The following TULP3 variants were observed in gnomAD, a reference collection of about 807,000 sequenced individuals.
TULP3 encodes TUB like protein 3.
TULP3 carries 38 observed loss-of-function variants against 50.7 expected under a neutral mutation model. That is an observed-to-expected ratio of 0.75 (90% CI 0.58 to 0.98). The LOEUF (loss-of-function observed/expected upper bound fraction) is 0.98. Ranked by LOEUF, TULP3 falls within the 50% of genes least tolerant of loss-of-function variation. The pLI is 0.00. For missense variants in TULP3, 550 were observed against 568.0 expected (o/e 0.97, Z 0.32); for synonymous variants, 183 against 196.6 (o/e 0.93, Z 0.58).
intron 2 of TULP3, among the ~76,000 whole-genome samples, chr12:2,919,622 A>G (rs1302602479): frequency 1.3e-5 from 2 of 152,112 alleles, no homozygotes; most frequent in Non-Finnish European, 2.9e-5. Flanking sequence ...TCATGTCTTT[A>G]TTTTTTAGCA....
chr12:2,907,678 A>G (rs1212393234), intron 1 of TULP3, among the ~76,000 whole-genome samples: 9 of 151,598 alleles, frequency 5.9e-5, no homozygotes, highest in African/African-American at 7.3e-5. Context: ...ATTCTTATAC[A>G]CACTGAACAC....
chr12:2,903,333 C>T (rs530869603), intron 1 of TULP3, among the ~76,000 whole-genome samples: 14 of 151,850 alleles, frequency 9.2e-5, no homozygotes, highest in East Asian at 3.9e-4. Flanking sequence ...GAGGCTGAGG[C>T]GGGTGGATCA....
chr12:2,893,194 G>A (rs2098173227), intron 1 of TULP3, among the ~76,000 whole-genome samples: 1 of 152,082 alleles, frequency 6.6e-6, no homozygotes, highest in African/African-American at 2.4e-5. Context: ...AAAGGGGAAT[G>A]TGTGAGTCAC....
intron 4 of TULP3, among the ~76,000 whole-genome samples, chr12:2,929,172 C>A (rs528922993): frequency 5.9e-5 from 9 of 152,124 alleles, no homozygotes; most frequent in African/African-American, 2.2e-4. Flanking sequence ...CAAAAATTAG[C>A]CGGGCATGGT....
At chr12:2,899,836 T>C (rs1182198411) in intron 1 of TULP3, among the ~76,000 whole-genome samples, 1 of 144,458 alleles carries the variant, frequency 6.9e-6, no homozygotes, top group Non-Finnish European at 1.5e-5. Context: ...GAGCTTGCAG[T>C]GAGCAGAGCT....
intron 2 of TULP3, among the ~76,000 whole-genome samples, chr12:2,918,342 C>T (rs2098189847): frequency 6.6e-6 from 1 of 151,656 alleles, no homozygotes; most frequent in Non-Finnish European, 1.5e-5. Flanking sequence ...AAACTCCTGA[C>T]CTCAGGTAAT....
rs1318677417 is a variant in TULP3, at chr12:2,940,890, C to T, written c.*1446C>T. 1 of 635,264 alleles carries T rather than the reference C, an allele frequency of 1.6e-6. No individual in the cohort carries two copies. Among genetic ancestry groups the T allele is most frequent in the Non-Finnish European group, 2.7e-6 (1 of 374,700 alleles). The allele number at this position is 635,264 out of a possible 1,614,324, so 39.4% of individuals were successfully genotyped here. On this transcript the variant is annotated 3_prime_UTR_variant, in exon 11 of 11. Coordinates refer to ENST00000448120, the MANE Select transcript of TULP3 (RefSeq NM_003324.5). ...TCACACCTCGTCACCACCACCACCC[C>T]CCACCCCATCCTGAGGCACTGCCTG...
chr12:2,906,045 T>G (rs186476867), intron 1 of TULP3, among the ~76,000 whole-genome samples: 2,474 of 149,996 alleles, frequency 0.016, 35 homozygotes, highest in Middle Eastern at 0.027. Context: ...TTTTTTTTTT[T>G]TTTGAGAGAG....
intron 8 of TULP3, among the ~76,000 whole-genome samples, chr12:2,936,313 A>T (rs1043391178): frequency 3.3e-5 from 5 of 152,166 alleles, no homozygotes; most frequent in Non-Finnish European, 7.4e-5. Context: ...AGGCATTTTT[A>T]ATACCTAGTG....
intron 4 of TULP3, among the ~76,000 whole-genome samples, chr12:2,926,337 A>C (rs1027882851): frequency 2.6e-5 from 4 of 152,022 alleles, no homozygotes; most frequent in Non-Finnish European, 5.9e-5. Context: ...CCATCTCTAC[A>C]AAAAAATTAC....
At position 2,893,948 on chromosome 12, in the gene TULP3, T is replaced by G. The variant is rs554293265; in HGVS notation, c.41+2960T>G. ...TGTGAGCGACCAGGCTTGGCCTATT[T>G]TCTTATATCAGAAATGTTTAGTGAA... is the stretch of plus-strand genomic sequence containing the variant. On this transcript the variant is annotated intron_variant, in intron 1 of 10. Transcript: ENST00000448120. Among the ~76,000 whole-genome samples the G allele has an allele frequency of 1.6e-4, 25 of 152,210 alleles. No individual in the cohort carries two copies. In the Middle Eastern group the frequency reaches 0.01, roughly 62 times the overall value.
At chr12:2,935,023 G>A (rs1244852752) in intron 8 of TULP3, among the ~76,000 whole-genome samples, 1 of 151,652 alleles carries the variant, frequency 6.6e-6, no homozygotes, top group African/African-American at 2.4e-5. Context: ...TTCACACCCG[G>A]GAAAGGCTTG....
Position 2,937,671 on chromosome 12 carries a change from CTG to C in TULP3, c.968_969del (p.Val323AspfsTer10). On this transcript the variant is annotated frameshift_variant, in exon 9 of 11. Coordinates refer to ENST00000448120, the MANE Select transcript of TULP3 (RefSeq NM_003324.5). LOFTEE classifies it high-confidence loss of function. Reference sequence around the variant, plus strand: ...GGATTTAAAGGTCCTAGGAAAATGTCTGTGATCATTCCTGGAATGACACTGAA... The same window carrying C: ...GGATTTAAAGGTCCTAGGAAAATGTCTGATCATTCCTGGAATGACACTGAA... 1 of 1,613,198 alleles carries C rather than the reference CTG, an allele frequency of 6.2e-7. No homozygotes were observed. The highest frequency in any genetic ancestry group is 8.5e-7 in the Non-Finnish European group (1 of 1,179,686).
chr12:2,923,932 G>T lies in TULP3; in HGVS notation c.394+1530G>T, dbSNP rs7308586. Among the ~76,000 whole-genome samples the T allele has an allele frequency of 5.1e-3, 776 of 152,014 alleles. 5 individuals carry two copies. Among genetic ancestry groups the T allele is most frequent in the African/African-American group, 0.017 (719 of 41,502 alleles). ...GAAGTGGAGGTTGCACTAAGCTTGC[G>T]ATTGCACCACTGCACTCCAGCCTGG... On this transcript the variant is annotated intron_variant, in intron 4 of 10. Transcript: ENST00000448120.
At chr12:2,933,156 T>G (rs2098199155) in intron 6 of TULP3, among the ~76,000 whole-genome samples, 1 of 152,114 alleles carries the variant, frequency 6.6e-6, no homozygotes, top group Admixed American at 6.6e-5. Flanking sequence ...TTAGCCAGGA[T>G]GGTCTCGATC....
intron 4 of TULP3, among the ~76,000 whole-genome samples, chr12:2,925,107 G>A (rs1037700272): frequency 6.6e-6 from 1 of 151,912 alleles, no homozygotes; most frequent in East Asian, 1.9e-4. Flanking sequence ...GGCGGAGCTT[G>A]CAGTGAGCCG....
chr12:2,899,493 T>C (rs1390846022), intron 1 of TULP3, among the ~76,000 whole-genome samples: 3 of 152,210 alleles, frequency 2.0e-5, no homozygotes, highest in Non-Finnish European at 4.4e-5. Flanking sequence ...GTCATAGTTA[T>C]TCATACTGTG....
chr12:2,912,039 A>G (rs952036695), intron 2 of TULP3, among the ~76,000 whole-genome samples: 31 of 152,082 alleles, frequency 2.0e-4, no homozygotes, highest in African/African-American at 7.2e-4. Flanking sequence ...GAAGTCACTC[A>G]GTAGGGGGTA....
At position 2,940,321 on chromosome 12, in the gene TULP3, T is replaced by TAAA. The variant is rs371211844; in HGVS notation, c.*892_*894dup. The TAAA allele has an allele frequency of 5.3e-6, 7 of 1,323,864 alleles. No individual in the cohort carries two copies. The highest frequency in any genetic ancestry group is 6.5e-5 in the East Asian group (2 of 30,784). The allele number at this position is 1,323,864 out of a possible 1,614,324, so 82.0% of individuals were successfully genotyped here. On this transcript the variant is annotated 3_prime_UTR_variant, in exon 11 of 11. Transcript: ENST00000448120. ...GGCAGTATTGACCATTTAGTTTAGT[T>TAAA]AAAAAAAAAAAAAAAAAGGTGGCAG...
Sources: allele counts gnomAD v4.1 joint callset (sites outside exome capture counted in the v4.1 genomes callset), GRCh38; gene constraint gnomAD v4.1.1; transcripts MANE v1.5; gene names NCBI Gene and HGNC (gene_info 2026-07-23, HGNC 2026-07-21).